Variants in BRD7 observed in about 807,000 individuals in gnomAD.
BRD7 encodes bromodomain-containing protein 7.
BRD7 carries 15 observed loss-of-function variants against 82.1 expected under a neutral mutation model. The observed-to-expected ratio is 0.18, with a 90% CI of 0.12 to 0.28. The LOEUF is 0.28. Among genes scored for constraint, BRD7 ranks in the 10% least tolerant of loss-of-function variants. BRD7 has a pLI of 1.00. For missense variants in BRD7, 638 were observed against 779.9 expected (o/e 0.82, Z 2.17); for synonymous variants, 232 against 266.9 (o/e 0.87, Z 1.27).
At chr16:50,323,127 T>C (rs1379784184) in intron 12 of BRD7, among the ~76,000 whole-genome samples, 1 of 152,176 alleles carries the variant, frequency 6.6e-6, no homozygotes. Context: ...TTACCAACTA[T>C]CTCCAACTGA....
intron 5 of BRD7, among the ~76,000 whole-genome samples, chr16:50,348,619 C>T (rs963914568): frequency 6.6e-6 from 1 of 152,178 alleles, no homozygotes; most frequent in East Asian, 1.9e-4. Flanking sequence ...ACAGACACTT[C>T]TCAAAAGAAG....
At chr16:50,339,931 C>A in intron 6 of BRD7, 45 bp downstream of exon 6, 2 of 1,218,862 alleles carry the variant, frequency 1.6e-6, no homozygotes, top group Admixed American at 2.1e-5. Context: ...CAAACAGCGA[C>A]ACAGATTTTA....
Position 50,354,481 on chromosome 16 carries a change from T to A in BRD7, c.390A>T (p.Glu130Asp). Residue 130 changes from glutamate to aspartate, a missense_variant and splice_region_variant, in exon 4 of 17, where the codon GAA becomes GAT. Coordinates refer to ENST00000394688, the MANE Select transcript of BRD7 (RefSeq NM_013263.5). Reference protein sequence around the residue: ...PLTSSLAKQEEVEQTPLQEAL... With the variant: ...PLTSSLAKQEDVEQTPLQEAL... ...CTTCTTGAAGGGGTGTCTGTTCTACTTCTAAAGCAAAGAAGAAGGGAAAAG... is the reference window on the plus strand; with the variant it reads ...CTTCTTGAAGGGGTGTCTGTTCTACATCTAAAGCAAAGAAGAAGGGAAAAG... 6.2e-7 allele frequency: 1 copy of A among 1,610,618 alleles called. No individual in the cohort carries two copies. The highest frequency in any genetic ancestry group is 2.0e-4 in the Middle Eastern group (1 of 4,922).
At chr16:50,368,027 T>G in intron 2 of BRD7, 63 bp downstream of exon 2, 1 of 1,457,984 alleles carries the variant, frequency 6.9e-7, no homozygotes, top group Non-Finnish European at 9.5e-7. Context: ...GAAAATAAAA[T>G]GAGGTTGGCA....
At chr16:50,354,027 T>C (rs552111361) in intron 4 of BRD7, among the ~76,000 whole-genome samples, 1 of 152,362 alleles carries the variant, frequency 6.6e-6, no homozygotes, top group Non-Finnish European at 1.5e-5. Context: ...TTCCTATTTA[T>C]GGTGTTTTAT....
At position 50,333,710 on chromosome 16, in the gene BRD7, A is replaced by G; in HGVS notation, c.888-13T>C. ...ATCTTTGTCTTTCCTGAAAATATAC[A>G]TTAATACTAAGTAAAAAAAAAACAA... On this transcript the variant is annotated splice_polypyrimidine_tract_variant and intron_variant, in intron 7 of 16. Coordinates refer to ENST00000394688, the MANE Select transcript of BRD7 (RefSeq NM_013263.5). 7.1e-7 allele frequency: 1 copy of G among 1,417,756 alleles called. No individual in the cohort carries two copies. The highest frequency in any genetic ancestry group is 9.4e-7 in the Non-Finnish European group (1 of 1,063,822). 87.8% of individuals were successfully genotyped at this position (1,417,756 alleles called of 1,614,324 possible).
intron 6 of BRD7, among the ~76,000 whole-genome samples, chr16:50,337,400 A>T (rs1473746463): frequency 6.6e-6 from 1 of 151,510 alleles, no homozygotes; most frequent in African/African-American, 2.4e-5. Context: ...AGCTGGAATT[A>T]CAGGCATGCA....
At chr16:50,346,846 T>C (rs1198601193) in intron 5 of BRD7, among the ~76,000 whole-genome samples, 1 of 152,230 alleles carries the variant, frequency 6.6e-6, no homozygotes, top group East Asian at 1.9e-4. Context: ...GAGGAGCTGG[T>C]ACTATTCCTT....
At chr16:50,340,735 T>C (rs2038012011) in intron 5 of BRD7, among the ~76,000 whole-genome samples, 1 of 152,168 alleles carries the variant, frequency 6.6e-6, no homozygotes, top group African/African-American at 2.4e-5. Context: ...AACATGTAAC[T>C]GGAGTAGCCA....
chr16:50,358,924 T>C (rs149313668), intron 2 of BRD7, among the ~76,000 whole-genome samples: 2 of 152,198 alleles, frequency 1.3e-5, no homozygotes, highest in Admixed American at 6.5e-5. Flanking sequence ...TTTTAACAAG[T>C]TACCCCACTG....
At chr16:50,332,256 C>T (rs953877701) in intron 8 of BRD7, among the ~76,000 whole-genome samples, 2 of 151,904 alleles carry the variant, frequency 1.3e-5, no homozygotes, top group Middle Eastern at 3.2e-3. Context: ...GGACTAACTA[C>T]GCATCCAATA....
intron 9 of BRD7, among the ~76,000 whole-genome samples, chr16:50,327,426 A>T (rs2037387315): frequency 6.6e-6 from 1 of 152,222 alleles, no homozygotes; most frequent in African/African-American, 2.4e-5. Context: ...AGAAAGAGCA[A>T]TGTTCTCAAT....
chr16:50,334,699 A>G lies in BRD7; in HGVS notation c.887+12T>C, dbSNP rs775943657. 7 of 1,610,798 alleles carry G rather than the reference A, an allele frequency of 4.3e-6. No homozygotes were observed. In the Admixed American group the frequency reaches 1.0e-4, roughly 23 times the overall value. ...AAGACAGTTTGACCTTAACATCCCA[A>G]AGATCTTTTACTTTTTATTTTCTTT... On this transcript the variant is annotated intron_variant, in intron 7 of 16. Coordinates refer to ENST00000394688, the MANE Select transcript of BRD7 (RefSeq NM_013263.5).
At chr16:50,367,582 T>C (rs1055236370) in intron 2 of BRD7, among the ~76,000 whole-genome samples, 4 of 152,228 alleles carry the variant, frequency 2.6e-5, no homozygotes, top group African/African-American at 9.6e-5. Context: ...TTCTTTTCTG[T>C]TAAATGCAAA....
intron 2 of BRD7, among the ~76,000 whole-genome samples, chr16:50,358,097 A>T (rs2038805662): frequency 6.6e-6 from 1 of 152,238 alleles, no homozygotes; most frequent in Non-Finnish European, 1.5e-5. Context: ...GTATTATAGT[A>T]TGTGTTGTAG....
intron 2 of BRD7, among the ~76,000 whole-genome samples, chr16:50,356,434 C>T (rs546587278): frequency 9.4e-4 from 143 of 152,262 alleles, no homozygotes; most frequent in African/African-American, 3.4e-3. Flanking sequence ...GTCATATTTA[C>T]ATAACAGGTA....
intron 2 of BRD7, among the ~76,000 whole-genome samples, chr16:50,360,736 T>C (rs1400676649): frequency 1.3e-5 from 2 of 152,198 alleles, no homozygotes; most frequent in South Asian, 2.1e-4. Flanking sequence ...GGCCAGATAA[T>C]AGGTGTCAGG....
intron 5 of BRD7, among the ~76,000 whole-genome samples, chr16:50,344,014 G>C (rs1241859794): frequency 6.6e-6 from 1 of 152,204 alleles, no homozygotes; most frequent in Non-Finnish European, 1.5e-5. Context: ...GCACCTCCCT[G>C]TAGGGGCCAA....
intron 10 of BRD7, 22 bp from the exon 11 acceptor site, chr16:50,325,905 G>A: frequency 1.3e-6 from 2 of 1,568,630 alleles, no homozygotes; most frequent in Non-Finnish European, 1.7e-6. Context: ...ATCAAATACT[G>A]TAACACTATT....
Sources: allele counts gnomAD v4.1 joint callset (sites outside exome capture counted in the v4.1 genomes callset), GRCh38; gene constraint gnomAD v4.1.1; transcripts MANE v1.5; gene names NCBI Gene and HGNC (gene_info 2026-07-23, HGNC 2026-07-21).